CACNB2: variants seen among roughly 807,000 people sequenced by gnomAD.
CACNB2 encodes the protein voltage-dependent L-type calcium channel subunit beta-2.
CACNB2 carries 42 observed loss-of-function variants against 73.3 expected under a neutral mutation model. The ratio of observed to expected loss-of-function variants is 0.57; its 90% CI spans 0.45 to 0.74. The LOEUF (loss-of-function observed/expected upper bound fraction) is 0.74. CACNB2 is among the 30% of genes least tolerant of loss of function. The probability of loss-of-function intolerance (pLI) is 0.00; values close to 1 mark genes in which losing one functional copy is unlikely to be tolerated. For missense variants in CACNB2, 940 were observed against 853.0 expected (o/e 1.10, Z -1.27); for synonymous variants, 348 against 310.3 (o/e 1.12, Z -1.28).
chr10:18,289,156 T>C (rs2038938005), intron 2 of CACNB2, among the ~76,000 whole-genome samples: 1 of 152,160 alleles, frequency 6.6e-6, no homozygotes, highest in African/African-American at 2.4e-5. Context: ...TTAGTTGTAA[T>C]ATCAAGTTTT....
At chr10:18,415,181 T>C (rs1470194781) in intron 3 of CACNB2, among the ~76,000 whole-genome samples, 1 of 152,152 alleles carries the variant, frequency 6.6e-6, no homozygotes, top group Non-Finnish European at 1.5e-5. Flanking sequence ...TAAAGCACTG[T>C]AGGCTTGGCA....
chr10:18,537,391 C>G (rs1204641142), intron 12 of CACNB2, among the ~76,000 whole-genome samples: 2 of 152,084 alleles, frequency 1.3e-5, no homozygotes, highest in Non-Finnish European at 2.9e-5. Context: ...TGAAAAGTGG[C>G]ATTATTTTCT....
intron 2 of CACNB2, among the ~76,000 whole-genome samples, chr10:18,167,616 T>G (rs778626975): frequency 3.3e-5 from 5 of 152,128 alleles, no homozygotes; most frequent in Non-Finnish European, 5.9e-5. Context: ...CTTTATTTTA[T>G]TCGAGGCCCT....
At chr10:18,531,827 A>T (rs189871392) in intron 10 of CACNB2, 80 of 129,854 alleles carry the variant, frequency 6.2e-4, no homozygotes, top group African/African-American at 2.3e-3. Context: ...TAGATATTAG[A>T]GATATAAAGC....
At chr10:18,159,402 G>A (rs2032293802) in intron 2 of CACNB2, among the ~76,000 whole-genome samples, 2 of 152,140 alleles carry the variant, frequency 1.3e-5, no homozygotes, top group African/African-American at 4.8e-5. Context: ...TGTTCTTTGG[G>A]GTTAACGGGG....
At chr10:18,275,854 A>G (rs1016732258) in intron 2 of CACNB2, among the ~76,000 whole-genome samples, 2 of 152,202 alleles carry the variant, frequency 1.3e-5, no homozygotes, top group Admixed American at 1.3e-4. Context: ...GAAGCTCAAG[A>G]TTTTAAATTT....
chr10:18,411,114 G>T (rs1205650265), intron 3 of CACNB2, among the ~76,000 whole-genome samples: 1 of 151,826 alleles, frequency 6.6e-6, no homozygotes, highest in Non-Finnish European at 1.5e-5. Flanking sequence ...CATGCTTCTT[G>T]CTTTAAAAAA....
chr10:18,443,681 C>T (rs2046587061), intron 3 of CACNB2, among the ~76,000 whole-genome samples: 1 of 151,138 alleles, frequency 6.6e-6, no homozygotes, highest in Admixed American at 6.6e-5. Context: ...TATCCAGGTG[C>T]AGGGAATGAA....
At chr10:18,186,277 G>C (rs2034147035) in intron 2 of CACNB2, among the ~76,000 whole-genome samples, 1 of 152,006 alleles carries the variant, frequency 6.6e-6, no homozygotes, top group Non-Finnish European at 1.5e-5. Flanking sequence ...AAATTAGCTG[G>C]GCGTGGTGGT....
intron 3 of CACNB2, among the ~76,000 whole-genome samples, chr10:18,479,521 A>T (rs2132824875): frequency 6.6e-6 from 1 of 152,282 alleles, no homozygotes; most frequent in East Asian, 1.9e-4. Flanking sequence ...AGTACATGAT[A>T]TGGTTTGGCT....
At chr10:18,435,328 A>G (rs1286797856) in intron 3 of CACNB2, among the ~76,000 whole-genome samples, 2 of 152,168 alleles carry the variant, frequency 1.3e-5, no homozygotes, top group African/African-American at 2.4e-5. Context: ...AACCGTGAAA[A>G]TCCACCTGAG....
At chr10:18,357,070 G>A (rs1034938332) in intron 2 of CACNB2, among the ~76,000 whole-genome samples, 2 of 147,690 alleles carry the variant, frequency 1.4e-5, no homozygotes, top group Non-Finnish European at 3.0e-5. Context: ...TCAGCCTCCC[G>A]TGTAGCTGGG....
chr10:18,270,663 T>A (rs1268323487), intron 2 of CACNB2, among the ~76,000 whole-genome samples: 2 of 152,086 alleles, frequency 1.3e-5, no homozygotes, highest in Non-Finnish European at 2.9e-5. Context: ...TTCCTAACAA[T>A]CAACACTCTT....
chr10:18,477,461 C>T (rs996029668), intron 3 of CACNB2, among the ~76,000 whole-genome samples: 3 of 152,228 alleles, frequency 2.0e-5, no homozygotes, highest in Non-Finnish European at 4.4e-5. Flanking sequence ...ATGTCTCTGA[C>T]AGCTGGACTC....
chr10:18,336,993 G>C (rs1056832373), intron 2 of CACNB2, among the ~76,000 whole-genome samples: 1 of 152,170 alleles, frequency 6.6e-6, no homozygotes, highest in African/African-American at 2.4e-5. Context: ...CACAGCCACT[G>C]TTAATATAAT....
chr10:18,328,676 A>G (rs1345634803), intron 2 of CACNB2, among the ~76,000 whole-genome samples: 1 of 152,182 alleles, frequency 6.6e-6, no homozygotes, highest in African/African-American at 2.4e-5. Context: ...ATAGCAAGAC[A>G]TTCATCCTAA....
rs1487315993 is a variant in CACNB2 at position 18,540,957 on chromosome 10, TGCTCCTA to T, written c.*1235_*1241del. On this transcript the variant is annotated 3_prime_UTR_variant, in exon 14 of 14. Transcript: ENST00000324631. ...CATTCATCTGCTGCCTCCTTGTTTT[TGCTCCTA>T]GAGAGTGAAAATACAGGCAATTTTA... 3.9e-5 allele frequency: 6 copies of T among 152,792 alleles called. No homozygotes were observed. The highest frequency in any genetic ancestry group is 3.9e-4 in the Admixed American group (6 of 15,302). 9.5% of individuals were successfully genotyped at this position (152,792 alleles called of 1,614,324 possible).
At chr10:18,448,483 A>T (rs1467404187) in intron 3 of CACNB2, among the ~76,000 whole-genome samples, 2 of 137,860 alleles carry the variant, frequency 1.5e-5, no homozygotes, top group East Asian at 3.9e-4. Flanking sequence ...CTCATTTAAA[A>T]AAAAAAAAAA....
chr10:18,241,715 G>A (rs1423922286), intron 2 of CACNB2, among the ~76,000 whole-genome samples: 3 of 151,944 alleles, frequency 2.0e-5, no homozygotes, highest in African/African-American at 4.8e-5. Context: ...AAGTCAACCT[G>A]GGCAATTTAG....
Sources: allele counts gnomAD v4.1 joint callset (sites outside exome capture counted in the v4.1 genomes callset), GRCh38; gene constraint gnomAD v4.1.1; transcripts MANE v1.5; gene names NCBI Gene and HGNC (gene_info 2026-07-23, HGNC 2026-07-21).